The following SCFD2 variants were observed in gnomAD, a reference collection of about 807,000 sequenced individuals.
The protein encoded by SCFD2 is sec1 family domain-containing protein 2.
SCFD2 carries 54 observed loss-of-function variants against 58.9 expected under a neutral mutation model. The observed-to-expected ratio is 0.92, with a 90% CI of 0.74 to 1.15. SCFD2 has a LOEUF of 1.15. Ranked by LOEUF, SCFD2 falls within the 50% of genes most tolerant of loss-of-function variation. SCFD2 has a pLI of 0.00. For synonymous variants in SCFD2, 321 were observed against 335.9 expected, an observed-to-expected ratio of 0.96 and a Z score of 0.49; for missense variants, 805 against 836.6, an observed-to-expected ratio of 0.96 and a Z score of 0.47.
chr4:52,910,365 G>T (rs1560478242), intron 6 of SCFD2, among the ~76,000 whole-genome samples: 1 of 152,148 alleles, frequency 6.6e-6, no homozygotes, highest in Non-Finnish European at 1.5e-5. Flanking sequence ...GAGAAACCTT[G>T]GTAAGTGATG....
At chr4:53,363,424 C>T (rs1287434996) in intron 1 of SCFD2, among the ~76,000 whole-genome samples, 1 of 151,308 alleles carries the variant, frequency 6.6e-6, no homozygotes, top group Non-Finnish European at 1.5e-5. Flanking sequence ...GATGGGATTA[C>T]AGGCATGAGC....
At chr4:53,164,788 CAAAA>C (rs767167356) in intron 4 of SCFD2, among the ~76,000 whole-genome samples, 1 of 97,660 alleles carries the variant, frequency 1.0e-5, no homozygotes, top group East Asian at 3.2e-4. Flanking sequence ...TCTGGAGTCT[CAAAA>C]AAAAAAAAAA....
At chr4:53,316,253 G>T (rs1219517533) in intron 2 of SCFD2, among the ~76,000 whole-genome samples, 2 of 152,162 alleles carry the variant, frequency 1.3e-5, no homozygotes, top group African/African-American at 2.4e-5. Context: ...AAAAGGTGGG[G>T]TCCTTCTATG....
intron 5 of SCFD2, among the ~76,000 whole-genome samples, chr4:53,082,337 A>G (rs1724172425): frequency 6.6e-6 from 1 of 152,118 alleles, no homozygotes; most frequent in Non-Finnish European, 1.5e-5. Context: ...ATTTTCCCAA[A>G]TCCTCATCAG....
At position 53,044,489 on chromosome 4, in the gene SCFD2, A is replaced by ACTTCCTTC. The variant is rs536906756; in HGVS notation, c.1561+100836_1561+100843dup. On this transcript the variant is annotated intron_variant, in intron 5 of 8. Transcript: ENST00000401642. ...TTGGGGTTCCACATACTTTACAGGA[A>ACTTCCTTC]CTTCCTTCCTTCCTTCCTTCCTTCC... Among the ~76,000 whole-genome samples the ACTTCCTTC allele has an allele frequency of 2.8e-3, 404 of 146,032 alleles. 4 individuals are homozygous for ACTTCCTTC. Among genetic ancestry groups the ACTTCCTTC allele is most frequent in the African/African-American group, 9.2e-3 (366 of 39,626 alleles).
chr4:53,096,166 C>T (rs144765856), intron 5 of SCFD2, among the ~76,000 whole-genome samples: 86 of 152,212 alleles, frequency 5.7e-4, no homozygotes, highest in African/African-American at 2.0e-3. Context: ...TGAACAGTGC[C>T]TCAAAAAACA....
At chr4:53,139,012 AG>A (rs1726027447) in intron 5 of SCFD2, among the ~76,000 whole-genome samples, 1 of 152,112 alleles carries the variant, frequency 6.6e-6, no homozygotes, top group African/African-American at 2.4e-5. Flanking sequence ...CTGGGATTGC[AG>A]GTGCGCGCCG....
chr4:53,027,968 C>A (rs758906128), intron 5 of SCFD2, among the ~76,000 whole-genome samples: 4 of 149,946 alleles, frequency 2.7e-5, no homozygotes, highest in Non-Finnish European at 5.9e-5. Flanking sequence ...TATATGTGGG[C>A]GGGCATGGTG....
chr4:53,210,276 G>A (rs1240389272), intron 4 of SCFD2, among the ~76,000 whole-genome samples: 2 of 152,110 alleles, frequency 1.3e-5, no homozygotes, highest in African/African-American at 4.8e-5. Flanking sequence ...AAGAGGCTCA[G>A]AAGGGCTTAA....
In SCFD2 at chr4:53,365,607, T is replaced by A. The variant is rs776420278; in HGVS notation, c.335A>T (p.His112Leu). 2 of 1,614,172 alleles carry A rather than the reference T, an allele frequency of 1.2e-6. No homozygotes were observed. The highest frequency in any genetic ancestry group is 1.7e-6 in the Non-Finnish European group (2 of 1,180,032). Residue 112 changes from histidine (H) to leucine (L), a missense_variant, in exon 1 of 9, where the codon CAC (histidine) becomes CTC (leucine). Coordinates refer to ENST00000401642, the MANE Select transcript of SCFD2 (RefSeq NM_152540.4). The surrounding 1 kb of genome is among the most constrained non-coding windows in gnomAD (Gnocchi z 4.3). ...CGCTGGGACATGATTAGCTGTGAGGTGGACAGCGTGGCTCACGGTTGTGAC... is the reference window on the plus strand; with the variant it reads ...CGCTGGGACATGATTAGCTGTGAGGAGGACAGCGTGGCTCACGGTTGTGAC... ...VVVTTVSHAV[H>L]LTANHVPAAA...
intron 4 of SCFD2, among the ~76,000 whole-genome samples, chr4:53,226,877 C>T (rs1316946861): frequency 6.6e-6 from 1 of 152,172 alleles, no homozygotes; most frequent in Non-Finnish European, 1.5e-5. Flanking sequence ...CTGTCTATCA[C>T]TAACTAAATT....
intron 4 of SCFD2, among the ~76,000 whole-genome samples, chr4:53,238,961 C>G (rs200246451): frequency 0.064 from 9,772 of 151,864 alleles, 207 homozygotes; most frequent in Middle Eastern, 0.12. Flanking sequence ...GACGGGGTGG[C>G]GGCCGGGCAG....
rs113179178 is a variant in SCFD2, at chr4:53,009,950, C to T, written c.1562-89080G>A. Among the ~76,000 whole-genome samples, 561 of 152,256 alleles carry T rather than the reference C, an allele frequency of 3.7e-3. 6 individuals are homozygous for T. The highest frequency in any genetic ancestry group is 0.012 in the African/African-American group (517 of 41,552). On this transcript the variant is annotated intron_variant, in intron 5 of 8. Transcript: ENST00000401642. ...GCATTTCACTGGCCTGCTGGCCTAC[C>T]GGAGCTCTGTGCTCACTATACTTTC...
At chr4:53,292,157 G>A (rs1286098461) in intron 3 of SCFD2, among the ~76,000 whole-genome samples, 4 of 151,790 alleles carry the variant, frequency 2.6e-5, no homozygotes, top group Non-Finnish European at 5.9e-5. Context: ...TTCATGAGAC[G>A]AAAATGTCAA....
intron 4 of SCFD2, among the ~76,000 whole-genome samples, chr4:53,217,866 T>C (rs1728904802): frequency 6.6e-6 from 1 of 152,186 alleles, no homozygotes; most frequent in African/African-American, 2.4e-5. Context: ...AGCATTTGCT[T>C]GTCTGTAAAG....
In SCFD2 at chr4:53,133,505, A is replaced by G. The variant is rs116568701; in HGVS notation, c.1561+11828T>C. On this transcript the variant is annotated intron_variant, in intron 5 of 8. Transcript: ENST00000401642. ...ACGTCCATGCCTTGTGCTAATGGAG[A>G]TGAAAGCTTTTATAATTAAGTGGTA... Among the ~76,000 whole-genome samples the G allele has an allele frequency of 8.9e-3, 1,351 of 152,260 alleles. 29 individuals carry two copies. The highest frequency in any genetic ancestry group is 0.031 in the African/African-American group (1,273 of 41,548).
chr4:53,173,869 A>T (rs1382515895), intron 4 of SCFD2, among the ~76,000 whole-genome samples: 3 of 152,200 alleles, frequency 2.0e-5, no homozygotes, highest in Non-Finnish European at 4.4e-5. Context: ...CGCTCATACC[A>T]TATAGACATA....
intron 2 of SCFD2, among the ~76,000 whole-genome samples, chr4:53,333,881 A>C (rs920637713): frequency 7.8e-5 from 11 of 140,670 alleles, no homozygotes; most frequent in Non-Finnish European, 1.2e-4. Flanking sequence ...CAGAATCTAC[A>C]ATGAACTCAA....
At chr4:53,279,243 C>A (rs1025427869) in intron 3 of SCFD2, among the ~76,000 whole-genome samples, 5 of 152,148 alleles carry the variant, frequency 3.3e-5, no homozygotes, top group Admixed American at 1.3e-4. Flanking sequence ...AAATATATAG[C>A]AACTTTTTAA....
Sources: allele counts gnomAD v4.1 joint callset (sites outside exome capture counted in the v4.1 genomes callset), GRCh38; gene constraint gnomAD v4.1.1; non-coding constraint Gnocchi (gnomAD v3.1); transcripts MANE v1.5; gene names NCBI Gene and HGNC (gene_info 2026-07-23, HGNC 2026-07-21).